FBXO25: variants seen among roughly 807,000 people sequenced by gnomAD.
The protein encoded by FBXO25 is F-box protein 25, also known as F-box only protein 25.
A neutral mutation model predicts 51.9 loss-of-function variants in FBXO25; 45 were observed. The ratio of observed to expected loss-of-function variants is 0.87; its 90% CI spans 0.68 to 1.11. The LOEUF is 1.11. Ranked by LOEUF, FBXO25 falls within the 50% of genes most tolerant of loss-of-function variation. The pLI is 0.00. For missense variants in FBXO25, 507 were observed against 428.5 expected (o/e 1.18, Z -1.62); for synonymous variants, 199 against 151.0 (o/e 1.32, Z -2.33).
intron 7 of FBXO25, among the ~76,000 whole-genome samples, chr8:454,551 C>T (rs912488026): frequency 7.9e-5 from 12 of 152,268 alleles, no homozygotes; most frequent in African/African-American, 2.9e-4. Flanking sequence ...GCACACAGGG[C>T]TGTTGACATT....
At chr8:467,768 C>T (rs1310636015) in intron 9 of FBXO25, 2 of 1,613,710 alleles carry the variant, frequency 1.2e-6, no homozygotes, top group East Asian at 2.2e-5. Flanking sequence ...TCTTGCCACA[C>T]ATCCTGTGTT....
At chr8:423,070 C>T (rs1167980286) in intron 2 of FBXO25, among the ~76,000 whole-genome samples, 1 of 152,214 alleles carries the variant, frequency 6.6e-6, no homozygotes, top group African/African-American at 2.4e-5. Flanking sequence ...TGCAGCAGCA[C>T]TACTAACTGA....
intron 2 of FBXO25, among the ~76,000 whole-genome samples, chr8:428,819 T>C (rs752119233): frequency 6.6e-6 from 1 of 152,228 alleles, no homozygotes; most frequent in Non-Finnish European, 1.5e-5. Context: ...GACTGTCTTA[T>C]CTCAGCGTAA....
intron 2 of FBXO25, among the ~76,000 whole-genome samples, chr8:415,535 T>A (rs1223442594): frequency 6.6e-6 from 1 of 152,186 alleles, no homozygotes; most frequent in Non-Finnish European, 1.5e-5. Flanking sequence ...GGGTCCAGAT[T>A]GAAGAGAGGA....
chr8:439,025 G>A (rs1373669350), intron 5 of FBXO25, among the ~76,000 whole-genome samples: 1 of 152,226 alleles, frequency 6.6e-6, no homozygotes, highest in Non-Finnish European at 1.5e-5. Context: ...TGTCCCAACT[G>A]CAGTGAGGAG....
intron 7 of FBXO25, among the ~76,000 whole-genome samples, chr8:457,214 G>A (rs1393665556): frequency 1.3e-5 from 2 of 152,176 alleles, no homozygotes; most frequent in Admixed American, 6.5e-5. Flanking sequence ...CCTCTGTCCC[G>A]CCCAAACAGC....
At chr8:440,673 G>A (rs1798372572) in intron 5 of FBXO25, among the ~76,000 whole-genome samples, 1 of 151,956 alleles carries the variant, frequency 6.6e-6, no homozygotes, top group African/African-American at 2.4e-5. Flanking sequence ...ATGCCATGGT[G>A]GTTTGCTGCA....
At position 450,004 on chromosome 8, in the gene FBXO25, T is replaced by A; in HGVS notation, c.396T>A (p.Ile132=). 6.2e-7 allele frequency: 1 copy of A among 1,610,830 alleles called. No homozygotes were observed. ...TTTCCTTTAAGCTGTTGCAGCTAAT[T>A]GCAAAATCCCAGTTAACTTCATTGA... ...FNYVVKLLQL[I]AKSQLTSLSG... is the part of the protein sequence containing the mutation. Residue 132 remains isoleucine, a synonymous_variant, in exon 6 of 10, where the codon ATT becomes ATA. Coordinates refer to ENST00000350302, the MANE Select transcript of FBXO25 (RefSeq NM_183420.2).
At chr8:418,702 T>C (rs1240387734) in intron 2 of FBXO25, among the ~76,000 whole-genome samples, 3 of 152,186 alleles carry the variant, frequency 2.0e-5, no homozygotes, top group Admixed American at 6.5e-5. Context: ...TTTACACTTC[T>C]AAAAAACTAA....
At chr8:453,141 T>C (rs983790247) in intron 7 of FBXO25, among the ~76,000 whole-genome samples, 2 of 152,242 alleles carry the variant, frequency 1.3e-5, no homozygotes, top group Non-Finnish European at 2.9e-5. Context: ...AGTGCCATTT[T>C]GATCAAGTGG....
chr8:466,852 C>A (rs1563101972), intron 9 of FBXO25, among the ~76,000 whole-genome samples: 1 of 152,130 alleles, frequency 6.6e-6, no homozygotes, highest in Non-Finnish European at 1.5e-5. Context: ...CTTCGATGGC[C>A]CTGCGAGGGT....
At position 473,226 on chromosome 8, in the gene FBXO25, C is replaced by G. The variant is rs1800538758; in HGVS notation, c.*4422C>G. Reference sequence around the variant, plus strand: ...CCCCCCGCGTCCCATGGGCTAAATGCCACTGAGCCGGTAGGAGCTGCTCAG... The same window carrying G: ...CCCCCCGCGTCCCATGGGCTAAATGGCACTGAGCCGGTAGGAGCTGCTCAG... On this transcript the variant is annotated 3_prime_UTR_variant, in exon 10 of 10. Transcript: ENST00000350302. 6.6e-6 allele frequency: 1 copy of G among 152,294 alleles called. No homozygotes were observed. The highest frequency in any genetic ancestry group is 1.5e-5 in the Non-Finnish European group (1 of 68,102). 9.4% of individuals were successfully genotyped at this position (152,294 alleles called of 1,614,324 possible).
chr8:433,249 G>C (rs1023395082), intron 4 of FBXO25, among the ~76,000 whole-genome samples: 1 of 151,956 alleles, frequency 6.6e-6, no homozygotes, highest in Non-Finnish European at 1.5e-5. Flanking sequence ...TGCAGATACT[G>C]GTGTGTGGGA....
intron 7 of FBXO25, among the ~76,000 whole-genome samples, chr8:456,306 C>A (rs1799426346): frequency 6.6e-6 from 1 of 152,116 alleles, no homozygotes; most frequent in African/African-American, 2.4e-5. Context: ...AACTCCTGGG[C>A]TCAGGTGATC....
chr8:441,747 A>G (rs866164274), intron 5 of FBXO25, among the ~76,000 whole-genome samples: 16 of 152,250 alleles, frequency 1.1e-4, no homozygotes, highest in African/African-American at 2.4e-4. Context: ...TATGCAGCCA[A>G]CAAACATGAA....
At chr8:445,726 C>T (rs1798698819) in intron 5 of FBXO25, among the ~76,000 whole-genome samples, 1 of 152,164 alleles carries the variant, frequency 6.6e-6, no homozygotes, top group African/African-American at 2.4e-5. Flanking sequence ...CAGAAAACTA[C>T]CGGGCATGGT....
At chr8:416,139 G>T (rs1423089978) in intron 2 of FBXO25, among the ~76,000 whole-genome samples, 1 of 152,184 alleles carries the variant, frequency 6.6e-6, no homozygotes, top group Admixed American at 6.5e-5. Flanking sequence ...GTAAACTGAT[G>T]TTTCTTGGTC....
intron 7 of FBXO25, among the ~76,000 whole-genome samples, chr8:456,474 C>T (rs918878164): frequency 3.3e-5 from 5 of 152,272 alleles, no homozygotes; most frequent in Middle Eastern, 3.4e-3. Context: ...TGAGCAAAGA[C>T]GTTTACTGAG....
Position 413,175 on chromosome 8 carries a change from T to A in FBXO25, c.96T>A (p.Leu32=). The A allele has an allele frequency of 4.3e-6, 7 of 1,609,762 alleles. No homozygotes were observed. The highest frequency in any genetic ancestry group is 5.9e-6 in the Non-Finnish European group (7 of 1,178,342). Residue 32 remains leucine (L), a synonymous_variant, in exon 2 of 10, where the codon CTT becomes CTA. Transcript: ENST00000350302. ...GATGTGAATCTTGTAGTCAGAAACTTGAAAGAGAGAATAACCGTTGTAACA... is the reference window on the plus strand; with the variant it reads ...GATGTGAATCTTGTAGTCAGAAACTAGAAAGAGAGAATAACCGTTGTAACA... ...WKRCESCSQK[L]ERENNRCNIS...
Sources: allele counts gnomAD v4.1 joint callset (sites outside exome capture counted in the v4.1 genomes callset), GRCh38; gene constraint gnomAD v4.1.1; transcripts MANE v1.5; gene names NCBI Gene and HGNC (gene_info 2026-07-23, HGNC 2026-07-21).